NRG3: variants seen among roughly 807,000 people sequenced by gnomAD.
The protein encoded by NRG3 is neuregulin 3.
In NRG3, 31 loss-of-function variants were observed where a neutral mutation model predicts 66.9. The observed-to-expected ratio is 0.46, with a 90% confidence interval of 0.35 to 0.63. The LOEUF is 0.63. Ranked by LOEUF, NRG3 falls within the 20% of genes least tolerant of loss-of-function variation. The pLI, the probability that NRG3 is intolerant of heterozygous loss-of-function variation, is 0.00. For missense variants in NRG3, 910 were observed against 878.9 expected, an observed-to-expected ratio of 1.04 and a Z score of -0.45; for synonymous variants, 393 against 359.4, an observed-to-expected ratio of 1.09 and a Z score of -1.06.
In NRG3 at chr10:82,474,197, G is replaced by C. The variant is rs537396409; in HGVS notation, c.953+115329G>C. Among the ~76,000 whole-genome samples, 16 of 151,980 alleles carry C rather than the reference G, an allele frequency of 1.1e-4. No homozygotes were observed. The South Asian group carries it at 3.3e-3, about 32-fold the overall frequency. On this transcript the variant is annotated intron_variant, in intron 2 of 8. Coordinates refer to ENST00000372141, the MANE Select transcript of NRG3 (RefSeq NM_001010848.4). ...GTACTCTATTTTCTATGAGAGATCA[G>C]AGATATACAAAGAAATATGAATGCA...
chr10:82,661,218 C>A (rs1448793353), intron 2 of NRG3, among the ~76,000 whole-genome samples: 1 of 152,120 alleles, frequency 6.6e-6, no homozygotes, highest in African/African-American at 2.4e-5. Context: ...ACAGTAGTTA[C>A]AGCAAACCAA....
intron 1 of NRG3, among the ~76,000 whole-genome samples, chr10:82,332,196 A>G (rs2082169704): frequency 6.6e-6 from 1 of 152,192 alleles, no homozygotes; most frequent in African/African-American, 2.4e-5. Flanking sequence ...TGTGAAATAG[A>G]ATTTCAGTTG....
At chr10:82,092,357 C>A (rs552119548) in intron 1 of NRG3, among the ~76,000 whole-genome samples, 1 of 152,102 alleles carries the variant, frequency 6.6e-6, no homozygotes, top group Non-Finnish European at 1.5e-5. Context: ...TGTTAAAAAT[C>A]CATTATCCCC....
At chr10:82,098,315 G>A (rs978701898) in intron 1 of NRG3, among the ~76,000 whole-genome samples, 7 of 150,000 alleles carry the variant, frequency 4.7e-5, no homozygotes, top group Non-Finnish European at 5.9e-5. Context: ...TATAGATATA[G>A]ATGTCATCTA....
intron 3 of NRG3, among the ~76,000 whole-genome samples, chr10:82,789,276 C>G (rs1380636391): frequency 6.6e-6 from 1 of 151,908 alleles, no homozygotes; most frequent in Non-Finnish European, 1.5e-5. Context: ...TGTTTGATGA[C>G]CATTTTAAAA....
chr10:82,956,983 A>T (rs762367625), intron 5 of NRG3, among the ~76,000 whole-genome samples: 1 of 152,024 alleles, frequency 6.6e-6, no homozygotes, highest in African/African-American at 2.4e-5. Context: ...CATCACACTG[A>T]TATTGTAAAT....
At chr10:82,753,601 T>C (rs1314415559) in intron 3 of NRG3, among the ~76,000 whole-genome samples, 1 of 152,070 alleles carries the variant, frequency 6.6e-6, no homozygotes, top group Non-Finnish European at 1.5e-5. Flanking sequence ...TTTTATTCTT[T>C]TATTAGAATA....
chr10:82,973,319 A>G (rs1851939295), intron 6 of NRG3, among the ~76,000 whole-genome samples: 1 of 152,214 alleles, frequency 6.6e-6, no homozygotes, highest in Non-Finnish European at 1.5e-5. Flanking sequence ...AAAGAGAAAA[A>G]CAGTGGAATG....
At chr10:82,469,034 T>C (rs1353838805) in intron 2 of NRG3, among the ~76,000 whole-genome samples, 1 of 152,228 alleles carries the variant, frequency 6.6e-6, no homozygotes, top group Admixed American at 6.5e-5. Flanking sequence ...TTTAGCTTCT[T>C]TGTGAAATGA....
At chr10:82,188,962 T>C (rs927446450) in intron 1 of NRG3, among the ~76,000 whole-genome samples, 3 of 151,544 alleles carry the variant, frequency 2.0e-5, no homozygotes, top group Non-Finnish European at 2.9e-5. Flanking sequence ...AAGAATAAAA[T>C]TAAAGAACAT....
intron 4 of NRG3, among the ~76,000 whole-genome samples, chr10:82,926,376 C>A (rs1356487904): frequency 6.6e-6 from 1 of 152,150 alleles, no homozygotes; most frequent in East Asian, 1.9e-4. Flanking sequence ...TATCCAGGGA[C>A]AACTGTGCTA....
In NRG3 at chr10:81,984,031, G is replaced by A. The variant is rs113059753; in HGVS notation, c.823+107868G>A. Among the ~76,000 whole-genome samples, 759 of 152,274 alleles carry A rather than the reference G, an allele frequency of 5.0e-3. 4 individuals are homozygous for A. Among genetic ancestry groups the A allele is most frequent in the African/African-American group, 0.017 (708 of 41,550 alleles). On this transcript the variant is annotated intron_variant, in intron 1 of 8. Coordinates refer to ENST00000372141, the MANE Select transcript of NRG3 (RefSeq NM_001010848.4). Reference sequence around the variant, plus strand: ...CAAGGTGATAATGGAAGCAGAGATAGGAATGAGTCACTTTGAAAAAGGTGG... The same window carrying A: ...CAAGGTGATAATGGAAGCAGAGATAAGAATGAGTCACTTTGAAAAAGGTGG...
chr10:82,393,641 A>G (rs192097851), intron 2 of NRG3, among the ~76,000 whole-genome samples: 1 of 152,308 alleles, frequency 6.6e-6, no homozygotes, highest in East Asian at 1.9e-4. Flanking sequence ...GAATAATCAT[A>G]TCACCAGAAA....
intron 1 of NRG3, among the ~76,000 whole-genome samples, chr10:82,310,737 G>C (rs918626014): frequency 6.6e-6 from 1 of 152,072 alleles, no homozygotes; most frequent in Non-Finnish European, 1.5e-5. Context: ...ACAAAAACTA[G>C]AGAGATAGTT....
At chr10:81,999,743 G>GCATTTGTTAAA (rs2061089255) in intron 1 of NRG3, among the ~76,000 whole-genome samples, 5 of 152,048 alleles carry the variant, frequency 3.3e-5, no homozygotes, top group Non-Finnish European at 5.9e-5. Flanking sequence ...TTAAAGTACT[G>GCATTTGTTAAA]GCAATAGTTT....
rs2087030882 is a variant in NRG3, at chr10:82,400,684, C to T, written c.953+41816C>T. Among the ~76,000 whole-genome samples, 5 of 151,806 alleles carry T rather than the reference C, an allele frequency of 3.3e-5. 2 individuals are homozygous for T. In the South Asian group the frequency reaches 1.0e-3, roughly 32 times the overall value. ...CTGGGCTCAGGTGATTCTCCCTCCT[C>T]AGCCTCCTGAGTAGCTAGGACAATA... is the stretch of plus-strand genomic sequence containing the variant. On this transcript the variant is annotated intron_variant, in intron 2 of 8. Transcript: ENST00000372141.
chr10:82,317,685 C>T (rs1394063779), intron 1 of NRG3, among the ~76,000 whole-genome samples: 2 of 152,170 alleles, frequency 1.3e-5, no homozygotes, highest in Admixed American at 6.5e-5. Flanking sequence ...TGTGGCATCA[C>T]AGGTGGTTTA....
At chr10:81,901,149 C>T (rs180805332) in intron 1 of NRG3, among the ~76,000 whole-genome samples, 2 of 152,270 alleles carry the variant, frequency 1.3e-5, no homozygotes, top group East Asian at 3.9e-4. Flanking sequence ...ATAATGTGGA[C>T]TGTCTCACAT....
At chr10:82,318,779 C>T (rs1455154267) in intron 1 of NRG3, among the ~76,000 whole-genome samples, 1 of 152,178 alleles carries the variant, frequency 6.6e-6, no homozygotes, top group Non-Finnish European at 1.5e-5. Flanking sequence ...GGCCTCTTTA[C>T]CTCACAAATA....
Sources: gnomAD v4.1 joint callset for allele counts (sites outside exome capture counted in the v4.1 genomes callset) on GRCh38, gnomAD v4.1.1 for gene constraint, MANE v1.5 for transcripts, NCBI Gene and HGNC (gene_info 2026-07-23, HGNC 2026-07-21) for gene names.